Variants in RPTOR observed in about 807,000 individuals in gnomAD.
RPTOR encodes regulatory associated protein of MTOR complex 1.
In RPTOR, 21 loss-of-function variants were observed where a neutral mutation model predicts 169.9. The observed-to-expected ratio is 0.12, with a 90% confidence interval of 0.09 to 0.18. The LOEUF is 0.18. Ranked by LOEUF, RPTOR falls within the 10% of genes least tolerant of loss-of-function variation. The pLI is 1.00. For synonymous variants in RPTOR, 732 were observed against 753.2 expected, an observed-to-expected ratio of 0.97 and a Z score of 0.46; for missense variants, 1,133 against 1,855.9, an observed-to-expected ratio of 0.61 and a Z score of 7.16.
intron 11 of RPTOR, among the ~76,000 whole-genome samples, chr17:80,852,965 T>TA (rs2067809763): frequency 6.6e-6 from 1 of 152,024 alleles, no homozygotes; most frequent in Non-Finnish European, 1.5e-5. Flanking sequence ...CCTTCTTTTC[T>TA]AGAGTTTGCT....
At chr17:80,697,228 G>A (rs2066044612) in intron 3 of RPTOR, among the ~76,000 whole-genome samples, 1 of 152,222 alleles carries the variant, frequency 6.6e-6, no homozygotes, top group Admixed American at 6.5e-5. Context: ...CTTAGTCTGG[G>A]GCTTTTGTGG....
intron 19 of RPTOR, 44 bp downstream of exon 19, chr17:80,892,913 G>T: frequency 6.3e-7 from 1 of 1,596,808 alleles, no homozygotes; most frequent in Middle Eastern, 1.7e-4. Flanking sequence ...AGAGATTGGG[G>T]TTGTTTTTTC....
intron 5 of RPTOR, among the ~76,000 whole-genome samples, chr17:80,743,820 G>T (rs1170657014): frequency 1.1e-5 from 1 of 91,224 alleles, no homozygotes; most frequent in Non-Finnish European, 2.5e-5. Flanking sequence ...TACTAGCAGA[G>T]CCCTGGCTAC....
chr17:80,649,359 G>A (rs1245739367), intron 3 of RPTOR, among the ~76,000 whole-genome samples: 3 of 152,132 alleles, frequency 2.0e-5, no homozygotes, highest in Admixed American at 6.5e-5. Flanking sequence ...CTTGGCGTGC[G>A]GCCCTGATGC....
At chr17:80,773,739 G>A (rs2066866641) in intron 6 of RPTOR, 4 of 975,824 alleles carry the variant, frequency 4.1e-6, no homozygotes, top group Non-Finnish European at 4.9e-6. Flanking sequence ...CGCTTGGGCA[G>A]GCTGGTGGGA....
intron 1 of RPTOR, among the ~76,000 whole-genome samples, chr17:80,571,555 C>G (rs1334598456): frequency 6.6e-6 from 1 of 152,176 alleles, no homozygotes; most frequent in Non-Finnish European, 1.5e-5. Flanking sequence ...GGGTCTCATT[C>G]TGTCTCCCAG....
At chr17:80,634,610 T>TGTGCGTACTGTGTGTGTGC (rs528181933) in intron 2 of RPTOR, among the ~76,000 whole-genome samples, 931 of 16,118 alleles carry the variant, frequency 0.058, 30 homozygotes, top group African/African-American at 0.086. Flanking sequence ...GTACTGTGTG[T>TGTGCGTACTGTGTGTGTGC]GTACTGTGTG....
At chr17:80,764,268 C>G (rs993686775) in intron 6 of RPTOR, among the ~76,000 whole-genome samples, 1 of 149,084 alleles carries the variant, frequency 6.7e-6, no homozygotes, top group African/African-American at 2.5e-5. Context: ...CCCATTAACT[C>G]GTCATTTAGC....
In RPTOR at chr17:80,744,141, A is replaced by AGAG. The variant is rs2066531381; in HGVS notation, c.655-9869_655-9868insGAG. ...TACTAGCACAGCCCTGGCTACTAGC[A>AGAG]CTATCCTGGTTACTAGCACAGCCCT... On this transcript the variant is annotated intron_variant, in intron 5 of 33. Coordinates refer to ENST00000306801, the MANE Select transcript of RPTOR (RefSeq NM_020761.3). 3.2e-5 allele frequency among the ~76,000 whole-genome samples: 3 copies of AGAG among 94,386 alleles called. 1 individual carries two copies. Among genetic ancestry groups the AGAG allele is most frequent in the African/African-American group, 1.3e-4 (3 of 23,054 alleles). 61.9% of individuals were successfully genotyped at this position (94,386 alleles called of 152,430 possible).
intron 7 of RPTOR, among the ~76,000 whole-genome samples, chr17:80,816,273 G>A (rs575552578): frequency 2.6e-5 from 4 of 152,364 alleles, no homozygotes; most frequent in African/African-American, 4.8e-5. Context: ...AGGCCTGGCT[G>A]CAGGGTGCCG....
chr17:80,923,322 C>T (rs1428876951), intron 22 of RPTOR, among the ~76,000 whole-genome samples, 168 bp from the exon 23 acceptor site: 1 of 152,224 alleles, frequency 6.6e-6, no homozygotes, highest in Non-Finnish European at 1.5e-5. Context: ...GGACTCGGCA[C>T]CAGCAGCTGG....
At chr17:80,690,610 T>A (rs56194221) in intron 3 of RPTOR, among the ~76,000 whole-genome samples, 13,632 of 151,944 alleles carry the variant, frequency 0.09, 678 homozygotes, top group African/African-American at 0.14. Context: ...CTCTGCTCCT[T>A]GGATTTCCTC....
At chr17:80,625,878 T>G (rs569943835) in intron 2 of RPTOR, 85 bp downstream of exon 2, 2 of 901,494 alleles carry the variant, frequency 2.2e-6, no homozygotes, top group Non-Finnish European at 3.7e-6. Flanking sequence ...TGTGGTCTGG[T>G]CCAGGGGCCC....
intron 3 of RPTOR, among the ~76,000 whole-genome samples, chr17:80,677,680 A>G (rs867168007): frequency 1.3e-5 from 2 of 152,198 alleles, no homozygotes; most frequent in Non-Finnish European, 1.5e-5. Context: ...GTTAAATTCT[A>G]TTCATGCATC....
intron 6 of RPTOR, among the ~76,000 whole-genome samples, chr17:80,755,646 C>G (rs932789771): frequency 2.0e-5 from 3 of 148,588 alleles, no homozygotes; most frequent in African/African-American, 7.4e-5. Flanking sequence ...GGCTGAGGTA[C>G]TAGAATTGCT....
chr17:80,585,019 A>G (rs2065047091), intron 1 of RPTOR, among the ~76,000 whole-genome samples: 1 of 152,280 alleles, frequency 6.6e-6, no homozygotes, highest in Non-Finnish European at 1.5e-5. Context: ...ACTCTGTTAC[A>G]CTTTTCTGAA....
At chr17:80,930,481 C>CCACCTCATCCCCACCTCATCCT (rs1567993962) in intron 24 of RPTOR, among the ~76,000 whole-genome samples, 1 of 144,744 alleles carries the variant, frequency 6.9e-6, no homozygotes, top group Non-Finnish European at 1.5e-5. Flanking sequence ...CAGCTCATCC[C>CCACCTCATCCCCACCTCATCCT]CAGCTCATCC....
intron 13 of RPTOR, among the ~76,000 whole-genome samples, chr17:80,877,601 C>T (rs1206061303): frequency 1.3e-5 from 2 of 152,184 alleles, no homozygotes; most frequent in Non-Finnish European, 1.5e-5. Flanking sequence ...GTGTGGGCTT[C>T]GATTTGACTT....
intron 4 of RPTOR, among the ~76,000 whole-genome samples, chr17:80,714,748 G>C (rs1567871779): frequency 6.6e-6 from 1 of 152,042 alleles, no homozygotes; most frequent in African/African-American, 2.4e-5. Context: ...TTGAAACGGA[G>C]TCTCTCGCTC....
Sources: allele counts gnomAD v4.1 joint callset (sites outside exome capture counted in the v4.1 genomes callset), GRCh38; gene constraint gnomAD v4.1.1; transcripts MANE v1.5; gene names NCBI Gene and HGNC (gene_info 2026-07-23, HGNC 2026-07-21).